The following GALNTL6 variants were observed in gnomAD, a reference collection of about 807,000 sequenced individuals.
GALNTL6 encodes the protein polypeptide N-acetylgalactosaminyltransferase-like 6.
In GALNTL6, 46 loss-of-function variants were observed where a neutral mutation model predicts 73.7. The ratio of observed to expected loss-of-function variants is 0.62; its 90% confidence interval spans 0.49 to 0.80. The LOEUF (loss-of-function observed/expected upper bound fraction) is 0.80, where lower values mean the gene tolerates loss of function less well. GALNTL6 is among the 30% of genes least tolerant of loss of function. The pLI is 0.00. For synonymous variants in GALNTL6, 259 were observed against 263.7 expected (o/e 0.98, Z 0.17); for missense variants, 604 against 755.0 (o/e 0.80, Z 2.34).
At chr4:172,118,720 A>G (rs1383552339) in intron 2 of GALNTL6, among the ~76,000 whole-genome samples, 1 of 151,906 alleles carries the variant, frequency 6.6e-6, no homozygotes, top group African/African-American at 2.4e-5. Flanking sequence ...AGAAAAAAAA[A>G]AACCAAAAAA....
At chr4:172,798,225 T>C (rs1427529054) in intron 5 of GALNTL6, among the ~76,000 whole-genome samples, 3 of 152,224 alleles carry the variant, frequency 2.0e-5, no homozygotes, top group Admixed American at 2.0e-4. Context: ...TCCCAGTTTT[T>C]AGAGATGATC....
chr4:171,921,775 A>C (rs1170915660), intron 2 of GALNTL6, among the ~76,000 whole-genome samples: 1 of 152,140 alleles, frequency 6.6e-6, no homozygotes, highest in Non-Finnish European at 1.5e-5. Context: ...TTTAAAGGAC[A>C]TCTTAACTGC....
At chr4:172,864,621 C>G (rs1744569903) in intron 7 of GALNTL6, among the ~76,000 whole-genome samples, 1 of 152,102 alleles carries the variant, frequency 6.6e-6, no homozygotes, top group East Asian at 1.9e-4. Flanking sequence ...ATACAGTCAT[C>G]TATTTTTAGG....
chr4:173,034,321 T>C (rs1004704460), intron 12 of GALNTL6, among the ~76,000 whole-genome samples: 1 of 152,204 alleles, frequency 6.6e-6, no homozygotes, highest in African/African-American at 2.4e-5. Flanking sequence ...GTGACTCTTG[T>C]TCAAATCTCC....
At chr4:171,889,561 T>C (rs931645150) in intron 2 of GALNTL6, among the ~76,000 whole-genome samples, 2 of 152,146 alleles carry the variant, frequency 1.3e-5, no homozygotes, top group African/African-American at 4.8e-5. Flanking sequence ...TTCTGAAGAT[T>C]ACTCAGTTAC....
chr4:172,997,111 A>G (rs572854643), intron 10 of GALNTL6, among the ~76,000 whole-genome samples: 2 of 152,268 alleles, frequency 1.3e-5, no homozygotes, highest in South Asian at 2.1e-4. Flanking sequence ...CCAGACTCCA[A>G]TCCTATTTTT....
Position 172,809,692 on chromosome 4 carries a change from G to A in GALNTL6, c.739+146G>A, listed in dbSNP as rs1040337751. 4.3e-5 allele frequency: 25 copies of A among 587,378 alleles called. No individual in the cohort carries two copies. In the African/African-American group the frequency reaches 4.3e-4, roughly 10 times the overall value. 36.4% of individuals were successfully genotyped at this position (587,378 alleles called of 1,614,324 possible). A position where few individuals can be genotyped will look rare whatever the true frequency, so the allele number is the denominator to read the frequency against. ...CTTGAATTTTATATTTACCACTGCT[G>A]AAAACAGTTTACTAGGTAACTGTTT... On this transcript the variant is annotated intron_variant, in intron 6 of 12. Coordinates refer to ENST00000506823, the MANE Select transcript of GALNTL6 (RefSeq NM_001034845.3). This position sits in a 1 kb window ranked among gnomAD's most constrained non-coding sequence, Gnocchi z 4.4.
intron 8 of GALNTL6, among the ~76,000 whole-genome samples, chr4:172,899,084 G>C (rs974002874): frequency 6.6e-6 from 1 of 152,154 alleles, no homozygotes; most frequent in African/African-American, 2.4e-5. Context: ...AAAAGGGACA[G>C]GAATAGCTCA....
Position 172,280,486 on chromosome 4 carries a change from T to A in GALNTL6, c.248-31128T>A, listed in dbSNP as rs546310759. Among the ~76,000 whole-genome samples the A allele has an allele frequency of 8.5e-5, 13 of 152,188 alleles. 1 individual carries two copies. The highest frequency in any genetic ancestry group is 6.2e-4 in the South Asian group (3 of 4,834). ...TACAGTTGGTATAGAGAAATTTTTT[T>A]AAAATTTTATTATTTCTTTAATCCT... On this transcript the variant is annotated intron_variant, in intron 3 of 12. Coordinates refer to ENST00000506823, the MANE Select transcript of GALNTL6 (RefSeq NM_001034845.3).
intron 8 of GALNTL6, among the ~76,000 whole-genome samples, chr4:172,889,965 T>G (rs1021414201): frequency 6.6e-6 from 1 of 152,178 alleles, no homozygotes; most frequent in Non-Finnish European, 1.5e-5. Flanking sequence ...CTCAATTTCT[T>G]CCTGACTCAA....
chr4:172,326,392 G>T (rs1029900051), intron 4 of GALNTL6, among the ~76,000 whole-genome samples: 1 of 151,896 alleles, frequency 6.6e-6, no homozygotes, highest in African/African-American at 2.4e-5. Flanking sequence ...TTGTTATCGG[G>T]TGCATAAACA....
chr4:172,042,106 C>A (rs931255293), intron 2 of GALNTL6, among the ~76,000 whole-genome samples: 1 of 151,988 alleles, frequency 6.6e-6, no homozygotes, highest in Non-Finnish European at 1.5e-5. Context: ...AGCACTGATA[C>A]CCTGAACATT....
chr4:172,617,454 A>T (rs149018984), intron 5 of GALNTL6, among the ~76,000 whole-genome samples: 2,379 of 150,346 alleles, frequency 0.016, 82 homozygotes, highest in African/African-American at 0.054. Flanking sequence ...TTATTTATTT[A>T]TTTATTTATT....
intron 7 of GALNTL6, among the ~76,000 whole-genome samples, chr4:172,865,522 T>A (rs527363690): frequency 1.3e-5 from 2 of 152,378 alleles, no homozygotes; most frequent in South Asian, 4.1e-4. Context: ...TATTTTATAG[T>A]AATCAGATAA....
At chr4:171,913,078 A>G (rs529734333) in intron 2 of GALNTL6, among the ~76,000 whole-genome samples, 165 of 152,198 alleles carry the variant, frequency 1.1e-3, no homozygotes, top group African/African-American at 3.9e-3. Context: ...GGATTGCTGG[A>G]TCATATGGTA....
intron 10 of GALNTL6, among the ~76,000 whole-genome samples, chr4:172,979,177 G>A (rs1750968432): frequency 6.6e-6 from 1 of 152,122 alleles, no homozygotes; most frequent in Admixed American, 6.5e-5. Context: ...GTTTTTTAAT[G>A]GCCCCTGGCC....
At chr4:172,656,916 G>T (rs1007930274) in intron 5 of GALNTL6, among the ~76,000 whole-genome samples, 1 of 141,570 alleles carries the variant, frequency 7.1e-6, no homozygotes, top group Non-Finnish European at 1.6e-5. Flanking sequence ...TGAGTTAAAT[G>T]AGAAGGACAT....
intron 4 of GALNTL6, among the ~76,000 whole-genome samples, chr4:172,347,405 T>A (rs1741787495): frequency 6.6e-6 from 1 of 152,216 alleles, no homozygotes. Context: ...TCATTGGGGA[T>A]ATCACCTTCA....
chr4:171,983,309 G>A (rs944200683), intron 2 of GALNTL6, among the ~76,000 whole-genome samples: 6 of 151,812 alleles, frequency 4.0e-5, no homozygotes, highest in African/African-American at 1.5e-4. Flanking sequence ...ATTCACATGG[G>A]GCTTCCAGAA....
Sources: allele counts gnomAD v4.1 joint callset (sites outside exome capture counted in the v4.1 genomes callset), GRCh38; gene constraint gnomAD v4.1.1; non-coding constraint Gnocchi (gnomAD v3.1); transcripts MANE v1.5; gene names NCBI Gene and HGNC (gene_info 2026-07-23, HGNC 2026-07-21).